The following LRRC75A variants were observed in gnomAD, a reference collection of about 807,000 sequenced individuals.
LRRC75A encodes the protein leucine rich repeat containing 75A, also known as leucine-rich repeat-containing protein 75A.
Under a neutral mutation model 26.0 loss-of-function variants are expected in LRRC75A, and 12 were observed. The observed-to-expected ratio is 0.46, with a 90% CI of 0.30 to 0.75. LRRC75A has a LOEUF of 0.75. LRRC75A is among the 30% of genes least tolerant of loss of function. LRRC75A has a pLI of 0.08. For synonymous variants in LRRC75A, 223 were observed against 219.3 expected, an observed-to-expected ratio of 1.02 and a Z score of -0.15; for missense variants, 410 against 486.6, an observed-to-expected ratio of 0.84 and a Z score of 1.48.
intron 1 of LRRC75A, among the ~76,000 whole-genome samples, chr17:16,468,824 G>A (rs2093788828): frequency 6.6e-6 from 1 of 152,208 alleles, no homozygotes; most frequent in African/African-American, 2.4e-5. Context: ...GGGAGGTTGA[G>A]GCTGAAGTGG....
intron 1 of LRRC75A, among the ~76,000 whole-genome samples, chr17:16,466,722 G>A (rs1013484486): frequency 1.3e-5 from 2 of 152,278 alleles, no homozygotes; most frequent in African/African-American, 4.8e-5. Flanking sequence ...CAAAGAAGGG[G>A]GCCCTACATA....
Position 16,491,356 on chromosome 17 carries a change from C to CCTCG in LRRC75A, c.246+385_246+388dup, listed in dbSNP as rs2093856657. ...ACTGATAACCGCATTCCTTGAGGAC[C>CCTCG]CTCGGCCGGGAGTGACTGCCAGTGG... On this transcript the variant is annotated intron_variant, in intron 1 of 3. Transcript: ENST00000470794. This position sits in a 1 kb window ranked among gnomAD's most constrained non-coding sequence, Gnocchi z 5.9. Among the ~76,000 whole-genome samples the CCTCG allele has an allele frequency of 6.6e-6, 1 of 152,212 alleles. No individual in the cohort carries two copies. The highest frequency in any genetic ancestry group is 2.4e-5 in the African/African-American group (1 of 41,454).
At chr17:16,471,112 T>G (rs1222443218) in intron 1 of LRRC75A, among the ~76,000 whole-genome samples, 1 of 152,150 alleles carries the variant, frequency 6.6e-6, no homozygotes, top group Admixed American at 6.5e-5. Context: ...GACCCTGAGA[T>G]GAGATGATCC....
At chr17:16,459,118 C>G (rs992045896) in intron 2 of LRRC75A, among the ~76,000 whole-genome samples, 3 of 152,186 alleles carry the variant, frequency 2.0e-5, no homozygotes, top group African/African-American at 7.2e-5. Flanking sequence ...TCAAACTTCA[C>G]AATGGAATAT....
chr17:16,484,386 T>C (rs1381358106), intron 1 of LRRC75A, among the ~76,000 whole-genome samples: 2 of 151,870 alleles, frequency 1.3e-5, no homozygotes, highest in Non-Finnish European at 2.9e-5. Context: ...ATCCACCCCC[T>C]AAGCAGCAAA....
rs1286243065 is a variant in LRRC75A, at chr17:16,442,837, T to C, written c.*751A>G. 6.6e-6 allele frequency: 1 copy of C among 152,166 alleles called. No homozygotes were observed. The highest frequency in any genetic ancestry group is 1.5e-5 in the Non-Finnish European group (1 of 68,020). 9.4% of individuals were successfully genotyped at this position (152,166 alleles called of 1,614,324 possible). A position where few individuals can be genotyped will look rare whatever the true frequency, so the allele number is the denominator to read the frequency against. On this transcript the variant is annotated 3_prime_UTR_variant, in exon 4 of 4. Coordinates refer to ENST00000470794, the MANE Select transcript of LRRC75A (RefSeq NM_001113567.3). ...CAGAGCCCACATAGAAGTCTGGTAGTTTTTCAGCCAGCAGTGGGTAGGGAA... is the reference window on the plus strand; with the variant it reads ...CAGAGCCCACATAGAAGTCTGGTAGCTTTTCAGCCAGCAGTGGGTAGGGAA...
chr17:16,444,866 T>C (rs2093567762), intron 3 of LRRC75A, among the ~76,000 whole-genome samples: 1 of 151,026 alleles, frequency 6.6e-6, no homozygotes, highest in Non-Finnish European at 1.5e-5. Context: ...TTTTTTTTTT[T>C]TGGAGACAGT....
intron 2 of LRRC75A, among the ~76,000 whole-genome samples, chr17:16,457,913 G>A (rs983013473): frequency 2.0e-5 from 3 of 152,160 alleles, no homozygotes; most frequent in African/African-American, 7.2e-5. Flanking sequence ...GTTCCAGGCT[G>A]CAGAAAGTTA....
At position 16,462,494 on chromosome 17, in the gene LRRC75A, G is replaced by A. The variant is rs913925644; in HGVS notation, c.247-108C>T. ...CCCCTAGAGGCGACTCTGCCTCCCA[G>A]AGCCCCGGTGGGGAGCATCTGCAGA... On this transcript the variant is annotated intron_variant, in intron 1 of 3. Transcript: ENST00000470794. The surrounding 1 kb of genome is among the most constrained non-coding windows in gnomAD (Gnocchi z 4.6). 8 of 1,448,692 alleles carry A rather than the reference G, an allele frequency of 5.5e-6. No homozygotes were observed. The highest frequency in any genetic ancestry group is 7.4e-6 in the Non-Finnish European group (8 of 1,073,982). 89.7% of individuals were successfully genotyped at this position (1,448,692 alleles called of 1,614,324 possible).
At chr17:16,460,323 C>A (rs2093717860) in intron 2 of LRRC75A, among the ~76,000 whole-genome samples, 1 of 152,216 alleles carries the variant, frequency 6.6e-6, no homozygotes, top group Non-Finnish European at 1.5e-5. Context: ...CAGGTATGCA[C>A]CCCCTGGCCC....
chr17:16,479,782 T>C (rs995025152), intron 1 of LRRC75A, among the ~76,000 whole-genome samples: 3 of 152,242 alleles, frequency 2.0e-5, no homozygotes, highest in Non-Finnish European at 4.4e-5. Context: ...TGCTCTCTGC[T>C]TCCTCCAACA....
intron 2 of LRRC75A, among the ~76,000 whole-genome samples, chr17:16,459,450 A>G (rs11867498): frequency 0.19 from 29,599 of 152,132 alleles, 3,566 homozygotes; most frequent in Middle Eastern, 0.29. Context: ...CGTCCCTAAG[A>G]TAGGAGAGGG....
At chr17:16,484,268 G>A (rs893556496) in intron 1 of LRRC75A, among the ~76,000 whole-genome samples, 1 of 152,158 alleles carries the variant, frequency 6.6e-6, no homozygotes, top group African/African-American at 2.4e-5. Flanking sequence ...CCTGGGAGGT[G>A]GAGGTTGTAG....
At chr17:16,464,708 G>A (rs1164734923) in intron 1 of LRRC75A, among the ~76,000 whole-genome samples, 1 of 152,252 alleles carries the variant, frequency 6.6e-6, no homozygotes, top group Non-Finnish European at 1.5e-5. Context: ...GGGCTGGGCG[G>A]GGACCTGAGC....
At chr17:16,468,880 C>T (rs1317598584) in intron 1 of LRRC75A, among the ~76,000 whole-genome samples, 1 of 152,148 alleles carries the variant, frequency 6.6e-6, no homozygotes, top group Non-Finnish European at 1.5e-5. Flanking sequence ...CAGAGCCAGA[C>T]CCCCAGGCAG....
At chr17:16,476,494 G>A (rs1018385386) in intron 1 of LRRC75A, among the ~76,000 whole-genome samples, 1 of 151,996 alleles carries the variant, frequency 6.6e-6, no homozygotes, top group Non-Finnish European at 1.5e-5. Context: ...TTACAGGAGT[G>A]AGCCACTGCA....
At chr17:16,490,459 G>T (rs897461063) in intron 1 of LRRC75A, among the ~76,000 whole-genome samples, 3 of 152,176 alleles carry the variant, frequency 2.0e-5, no homozygotes, top group Non-Finnish European at 2.9e-5. Flanking sequence ...ATCCAGCAGC[G>T]TCTCGGGCAT....
chr17:16,485,732 C>T (rs112406329), intron 1 of LRRC75A, among the ~76,000 whole-genome samples: 24 of 149,450 alleles, frequency 1.6e-4, no homozygotes, highest in Middle Eastern at 3.5e-3. Flanking sequence ...TGCAGGGCAC[C>T]GGCAGCACTG....
At chr17:16,455,979 T>A (rs180852648) in intron 2 of LRRC75A, among the ~76,000 whole-genome samples, 67 of 150,700 alleles carry the variant, frequency 4.4e-4, no homozygotes, top group African/African-American at 1.5e-3. Context: ...CAGGGCTCCC[T>A]CCTGCAGAGA....
Sources: gnomAD v4.1 joint callset for allele counts (sites outside exome capture counted in the v4.1 genomes callset) on GRCh38, gnomAD v4.1.1 for gene constraint, Gnocchi (gnomAD v3.1) non-coding constraint, MANE v1.5 for transcripts, NCBI Gene and HGNC (gene_info 2026-07-23, HGNC 2026-07-21) for gene names.